The following NDUFB3 variants were observed in gnomAD, a reference collection of about 807,000 sequenced individuals.
NDUFB3 encodes the protein NADH:ubiquinone oxidoreductase subunit B3, also known as NADH dehydrogenase [ubiquinone] 1 beta subcomplex subunit 3.
Under a neutral mutation model 9.0 loss-of-function variants are expected in NDUFB3, and 7 were observed. That is an observed-to-expected ratio of 0.78 (90% CI 0.44 to 1.46). The LOEUF (loss-of-function observed/expected upper bound fraction) is 1.46, where lower values mean the gene tolerates loss of function less well. Among genes scored for constraint, NDUFB3 ranks in the 40% most tolerant of loss-of-function variants. The pLI, the probability that NDUFB3 is intolerant of heterozygous loss-of-function variation, is 0.01. For synonymous variants in NDUFB3, 29 were observed against 38.5 expected, an observed-to-expected ratio of 0.75 and a Z score of 0.91; for missense variants, 93 against 115.4, an observed-to-expected ratio of 0.81 and a Z score of 0.89.
chr2:201,083,542 C>A (rs1005868314), intron 2 of NDUFB3, among the ~76,000 whole-genome samples: 1 of 151,558 alleles, frequency 6.6e-6, no homozygotes, highest in Admixed American at 6.6e-5. Flanking sequence ...TTAGTAGAGA[C>A]TAAAACGTTG....
rs2047279810 is a variant in NDUFB3, at chr2:201,085,414, AC to A, written c.141-44del. On this transcript the variant is annotated intron_variant, in intron 2 of 2. Coordinates refer to ENST00000237889, the MANE Select transcript of NDUFB3 (RefSeq NM_002491.3). Reference sequence around the variant, plus strand: ...AATTAAATGTCTTCAACGTATATACACACACGTTGTGTATGATTATAATTTT... The same window carrying A: ...AATTAAATGTCTTCAACGTATATACAACACGTTGTGTATGATTATAATTTT... The A allele has an allele frequency of 3.4e-6, 5 of 1,470,018 alleles. No individual in the cohort carries two copies. In the Admixed American group the frequency reaches 1.0e-4, roughly 30 times the overall value. The allele number at this position is 1,470,018 out of a possible 1,614,324, so 91.1% of individuals were successfully genotyped here.
intron 1 of NDUFB3, among the ~76,000 whole-genome samples, chr2:201,073,070 G>A (rs1352280226): frequency 6.6e-6 from 1 of 152,148 alleles, no homozygotes; most frequent in Non-Finnish European, 1.5e-5. Flanking sequence ...GTTCCTTACA[G>A]GGACAATAGT....
At chr2:201,077,823 C>T (rs2047181053) in intron 1 of NDUFB3, among the ~76,000 whole-genome samples, 1 of 152,192 alleles carries the variant, frequency 6.6e-6, no homozygotes, top group East Asian at 1.9e-4. Context: ...CTTTTACCCA[C>T]AAAGCCTAAA....
rs947469826 is a variant in NDUFB3 at position 201,081,922 on chromosome 2, T to G, written c.140+2900T>G. On this transcript the variant is annotated intron_variant, in intron 2 of 2. Transcript: ENST00000237889. ...GCTCCGCCTCCTGGGTTCACACCAT[T>G]CTCCTGCCTCAGCCTCCCGAGTAGC... 2.0e-5 allele frequency among the ~76,000 whole-genome samples: 3 copies of G among 151,840 alleles called. No homozygotes were observed. In the East Asian group the frequency reaches 5.8e-4, roughly 29 times the overall value.
At chr2:201,079,053 G>C in intron 2 of NDUFB3, 31 bp downstream of exon 2, 1 of 1,579,968 alleles carries the variant, frequency 6.3e-7, no homozygotes, top group Middle Eastern at 1.7e-4. Context: ...TAGATAGAAT[G>C]TATCCTAGAG....
intron 2 of NDUFB3, among the ~76,000 whole-genome samples, chr2:201,080,307 A>C (rs1208631798): frequency 2.6e-5 from 4 of 152,120 alleles, no homozygotes; most frequent in Non-Finnish European, 5.9e-5. Context: ...GGTGGCTCGC[A>C]CCTATAATTC....
intron 1 of NDUFB3, among the ~76,000 whole-genome samples, chr2:201,072,751 A>G (rs781426860): frequency 5.3e-5 from 8 of 152,230 alleles, no homozygotes; most frequent in South Asian, 2.1e-4. Context: ...TTTATTGTCA[A>G]GTATATATAC....
chr2:201,083,351 CTT>C (rs748310803), intron 2 of NDUFB3, among the ~76,000 whole-genome samples: 5,026 of 119,938 alleles, frequency 0.042, 256 homozygotes, highest in African/African-American at 0.15. Flanking sequence ...TTTATTATTT[CTT>C]TTTTTTTTTT....
At chr2:201,083,354 T>TC (rs2047251566) in intron 2 of NDUFB3, among the ~76,000 whole-genome samples, 1 of 134,940 alleles carries the variant, frequency 7.4e-6, no homozygotes, top group Non-Finnish European at 1.5e-5. Context: ...ATTATTTCTT[T>TC]TTTTTTTTTT....
chr2:201,079,020 CCGGT>C lies in NDUFB3; in HGVS notation c.139_140+2del, dbSNP rs754835124. Reference sequence around the variant, plus strand: ...CAAAAGGGCTAAGGGATCCATGGGGCCGGTAAGATGAATTAAGTAATTTAGATAG... The same window carrying C: ...CAAAAGGGCTAAGGGATCCATGGGGCAAGATGAATTAAGTAATTTAGATAG... On this transcript the variant is annotated splice_donor_variant and coding_sequence_variant, in exon 2 of 3. Transcript: ENST00000237889. LOFTEE classifies it high-confidence loss of function. The C allele has an allele frequency of 3.7e-6, 6 of 1,606,226 alleles. No homozygotes were observed. In the African/African-American group the frequency reaches 8.1e-5, roughly 22 times the overall value.
chr2:201,073,846 A>G (rs1249790540), intron 1 of NDUFB3, among the ~76,000 whole-genome samples: 2 of 152,098 alleles, frequency 1.3e-5, no homozygotes, highest in Admixed American at 1.3e-4. Flanking sequence ...TATTTTTTAT[A>G]TTCCATAAAT....
intron 1 of NDUFB3, chr2:201,072,262 G>A (rs1559146169): frequency 6.6e-6 from 1 of 152,232 alleles, no homozygotes; most frequent in Non-Finnish European, 1.5e-5. Context: ...GATCATTACT[G>A]TAGTTGTTAA....
Position 201,085,625 on chromosome 2 carries a change from C to G in NDUFB3, c.*10C>G. On this transcript the variant is annotated 3_prime_UTR_variant, in exon 3 of 3. Transcript: ENST00000237889. ...TAAGAAGCATCACTGAAGATAATAC[C>G]TGGAAGCATCATAGTGGTTTCTTAA... 1 of 1,605,954 alleles carries G rather than the reference C, an allele frequency of 6.2e-7. No homozygotes were observed. Among genetic ancestry groups the G allele is most frequent in the Non-Finnish European group, 8.5e-7 (1 of 1,176,380 alleles).
intron 1 of NDUFB3, among the ~76,000 whole-genome samples, chr2:201,076,184 GTTTTCA>G (rs201585725): frequency 0.028 from 4,242 of 151,870 alleles, 210 homozygotes; most frequent in African/African-American, 0.098. Context: ...GAGAGTATCG[GTTTTCA>G]TTTTCATTTT....
In NDUFB3 at chr2:201,079,087, C is replaced by T. The variant is rs1399642699; in HGVS notation, c.140+65C>T. Reference sequence around the variant, plus strand: ...AGAATCAAGTGTCTATGTTGCTTTTCAATGTATTCTCCTTAGAGAATCATG... The same window carrying T: ...AGAATCAAGTGTCTATGTTGCTTTTTAATGTATTCTCCTTAGAGAATCATG... On this transcript the variant is annotated intron_variant, in intron 2 of 2. Transcript: ENST00000237889. 4.0e-6 allele frequency: 6 copies of T among 1,490,112 alleles called. No homozygotes were observed. The East Asian group carries it at 1.2e-4, about 29-fold the overall frequency. The allele number at this position is 1,490,112 out of a possible 1,614,324, so 92.3% of individuals were successfully genotyped here. A position where few individuals can be genotyped will look rare whatever the true frequency, so the allele number is the denominator to read the frequency against.
chr2:201,085,398 T>C (rs1307266396), intron 2 of NDUFB3, 61 bp from the exon 3 acceptor site: 2 of 1,288,220 alleles, frequency 1.6e-6, no homozygotes, highest in Non-Finnish European at 2.1e-6. Flanking sequence ...AAATTAAATG[T>C]CTTCAACGTA....
intron 1 of NDUFB3, among the ~76,000 whole-genome samples, chr2:201,077,070 C>T (rs552800458): frequency 3.4e-4 from 52 of 152,020 alleles, no homozygotes; most frequent in African/African-American, 1.3e-3. Flanking sequence ...CCATTGCACT[C>T]CAGCCTGGGC....
At chr2:201,085,406 G>T (rs1207526265) in intron 2 of NDUFB3, 53 bp from the exon 3 acceptor site, 8 of 1,383,672 alleles carry the variant, frequency 5.8e-6, no homozygotes, top group Non-Finnish European at 7.9e-6. Flanking sequence ...TGTCTTCAAC[G>T]TATATACACA....
intron 2 of NDUFB3, among the ~76,000 whole-genome samples, chr2:201,081,596 C>G (rs1334198420): frequency 6.6e-6 from 1 of 151,330 alleles, no homozygotes; most frequent in African/African-American, 2.5e-5. Flanking sequence ...GCTTTACGTA[C>G]AGGTCTTGCA....
Sources: allele counts gnomAD v4.1 joint callset (sites outside exome capture counted in the v4.1 genomes callset), GRCh38; gene constraint gnomAD v4.1.1; transcripts MANE v1.5; gene names NCBI Gene and HGNC (gene_info 2026-07-23, HGNC 2026-07-21).